The following RGS10 variants were observed in gnomAD, a reference collection of about 807,000 sequenced individuals.
The protein encoded by RGS10 is regulator of G-protein signalling 10.
Under a neutral mutation model 23.5 loss-of-function variants are expected in RGS10, and 11 were observed. The observed-to-expected ratio is 0.47, with a 90% CI of 0.29 to 0.77. The LOEUF is 0.77. Ranked by LOEUF, RGS10 falls within the 30% of genes least tolerant of loss-of-function variation. The pLI is 0.08. For synonymous variants in RGS10, 77 were observed against 83.2 expected, an observed-to-expected ratio of 0.92 and a Z score of 0.41; for missense variants, 180 against 226.3, an observed-to-expected ratio of 0.80 and a Z score of 1.31.
chr10:119,522,529 G>A (rs1844229265), intron 3 of RGS10, among the ~76,000 whole-genome samples: 1 of 152,090 alleles, frequency 6.6e-6, no homozygotes, highest in African/African-American at 2.4e-5. Flanking sequence ...GACCAACCTC[G>A]CCAACATGGT....
chr10:119,518,926 G>C (rs1379364542), intron 3 of RGS10, among the ~76,000 whole-genome samples: 4 of 152,014 alleles, frequency 2.6e-5, no homozygotes, highest in Non-Finnish European at 5.9e-5. Flanking sequence ...GGCTGCTCTC[G>C]AACTCCCAGC....
intron 4 of RGS10, among the ~76,000 whole-genome samples, chr10:119,510,486 C>T (rs1844064379): frequency 6.6e-6 from 1 of 152,174 alleles, no homozygotes; most frequent in African/African-American, 2.4e-5. Flanking sequence ...AGGCCTCTTC[C>T]AGTACCTCTC....
intron 4 of RGS10, among the ~76,000 whole-genome samples, chr10:119,509,583 C>T (rs899806838): frequency 6.6e-6 from 1 of 151,948 alleles, no homozygotes; most frequent in Non-Finnish European, 1.5e-5. Context: ...AGAGTGAGAC[C>T]CTGCCTCAAA....
chr10:119,508,254 C>T (rs1461237169), intron 4 of RGS10, among the ~76,000 whole-genome samples: 1 of 152,184 alleles, frequency 6.6e-6, no homozygotes, highest in African/African-American at 2.4e-5. Context: ...CCCGCCTCGG[C>T]CTCCCAAAGT....
chr10:119,504,552 A>C (rs1211473047), intron 4 of RGS10, among the ~76,000 whole-genome samples: 3 of 152,220 alleles, frequency 2.0e-5, no homozygotes, highest in Non-Finnish European at 4.4e-5. Flanking sequence ...TAGTGGGGTG[A>C]ATGGTGTTCC....
At chr10:119,523,679 A>T (rs1844243087) in intron 3 of RGS10, among the ~76,000 whole-genome samples, 1 of 152,184 alleles carries the variant, frequency 6.6e-6, no homozygotes, top group South Asian at 2.1e-4. Flanking sequence ...AAGGAAAAGA[A>T]GTCCTATGCT....
chr10:119,526,777 C>T (rs1317323967), intron 2 of RGS10, among the ~76,000 whole-genome samples: 1 of 152,142 alleles, frequency 6.6e-6, no homozygotes. Context: ...AACCAGGACT[C>T]ATTCTTGAAA....
intron 3 of RGS10, among the ~76,000 whole-genome samples, chr10:119,522,151 G>GC (rs956213649): frequency 4.6e-5 from 7 of 152,142 alleles, no homozygotes; most frequent in African/African-American, 1.7e-4. Flanking sequence ...GGAAGAAGAG[G>GC]CCCCCCACTC....
intron 3 of RGS10, chr10:119,516,189 T>C (rs1589836377): frequency 1.3e-5 from 2 of 150,238 alleles, no homozygotes; most frequent in Admixed American, 6.7e-5. Flanking sequence ...GAAAGAGAGG[T>C]TGCAGTGAGC....
At chr10:119,535,271 GAAAA>G (rs34636046) in intron 1 of RGS10, among the ~76,000 whole-genome samples, 1 of 122,372 alleles carries the variant, frequency 8.2e-6, no homozygotes, top group Admixed American at 8.2e-5. Flanking sequence ...AATCCATGCA[GAAAA>G]AAAAAAAAAA....
At chr10:119,529,946 G>T (rs1167848400) in intron 1 of RGS10, among the ~76,000 whole-genome samples, 1 of 152,056 alleles carries the variant, frequency 6.6e-6, no homozygotes, top group Non-Finnish European at 1.5e-5. Context: ...ACAAAAATTT[G>T]CTGGGCATGG....
intron 4 of RGS10, among the ~76,000 whole-genome samples, chr10:119,512,941 T>C (rs1215344156): frequency 6.6e-6 from 1 of 152,224 alleles, no homozygotes; most frequent in African/African-American, 2.4e-5. Context: ...CATAAACATA[T>C]ACATTATTAT....
At chr10:119,539,540 G>T (rs909399416) in intron 1 of RGS10, among the ~76,000 whole-genome samples, 2 of 152,126 alleles carry the variant, frequency 1.3e-5, no homozygotes, top group African/African-American at 2.4e-5. Context: ...AATCCCGTTG[G>T]GGGACCCTCA....
intron 4 of RGS10, among the ~76,000 whole-genome samples, chr10:119,511,565 G>T (rs1188976816): frequency 6.6e-6 from 1 of 152,176 alleles, no homozygotes; most frequent in Non-Finnish European, 1.5e-5. Context: ...GCTGCAGTGA[G>T]CAGAGATGGC....
At position 119,513,520 on chromosome 10, in the gene RGS10, A is replaced by AC. The variant is rs568797351; in HGVS notation, c.399+1988dup. Reference sequence around the variant, plus strand: ...TTTGTCATTAAAAAAGAAAAAAAAAACAATCAGCCTCTGTCCCCTGTGTTT... The same window carrying AC: ...TTTGTCATTAAAAAAGAAAAAAAAAACCAATCAGCCTCTGTCCCCTGTGTTT... On this transcript the variant is annotated intron_variant, in intron 4 of 4. Coordinates refer to ENST00000369103, the MANE Select transcript of RGS10 (RefSeq NM_001005339.2). Among the ~76,000 whole-genome samples, 380 of 151,988 alleles carry AC rather than the reference A, an allele frequency of 2.5e-3. 1 individual carries two copies. The highest frequency in any genetic ancestry group is 8.8e-3 in the African/African-American group (366 of 41,506).
At chr10:119,514,368 C>A (rs1844116073) in intron 4 of RGS10, among the ~76,000 whole-genome samples, 1 of 144,456 alleles carries the variant, frequency 6.9e-6, no homozygotes, top group South Asian at 2.2e-4. Context: ...AAGAAAAAAA[C>A]CTGAAAAGGC....
intron 4 of RGS10, among the ~76,000 whole-genome samples, chr10:119,514,428 A>C (rs60499370): frequency 0.044 from 6,696 of 151,928 alleles, 269 homozygotes; most frequent in East Asian, 0.21. Flanking sequence ...GAGGCCAAGG[A>C]GGGTGGATCA....
intron 2 of RGS10, among the ~76,000 whole-genome samples, chr10:119,526,953 C>G (rs1378656114): frequency 6.6e-6 from 1 of 152,076 alleles, no homozygotes; most frequent in Non-Finnish European, 1.5e-5. Flanking sequence ...TTCTGAGAAT[C>G]CCCCAAGCAC....
rs181118079 is a variant in RGS10, at chr10:119,522,643, G to A, written c.255+3389C>T. On this transcript the variant is annotated intron_variant, in intron 3 of 4. Transcript: ENST00000369103. ...TGAGGCAGAAGAATCACTTGAACCC[G>A]GGAGGCGGAGATTGCAGTGAGCAGA... Among the ~76,000 whole-genome samples, 9 of 151,946 alleles carry A rather than the reference G, an allele frequency of 5.9e-5. No individual in the cohort carries two copies. In the East Asian group the frequency reaches 7.7e-4, roughly 13 times the overall value.
Sources: allele counts gnomAD v4.1 joint callset (sites outside exome capture counted in the v4.1 genomes callset), GRCh38; gene constraint gnomAD v4.1.1; transcripts MANE v1.5; gene names NCBI Gene and HGNC (gene_info 2026-07-23, HGNC 2026-07-21).